The following CILP variants were observed in gnomAD, a reference collection of about 807,000 sequenced individuals.
The protein encoded by CILP is cartilage intermediate layer protein, also known as cartilage intermediate layer protein 1.
A neutral mutation model predicts 82.5 loss-of-function variants in CILP; 75 were observed. The observed-to-expected ratio is 0.91, with a 90% CI of 0.75 to 1.10. The LOEUF (loss-of-function observed/expected upper bound fraction) is 1.10. CILP is among the 50% of genes least tolerant of loss of function. CILP has a pLI of 0.00. For synonymous variants in CILP, 530 were observed against 580.3 expected, an observed-to-expected ratio of 0.91 and a Z score of 1.25; for missense variants, 1,479 against 1,530.8, an observed-to-expected ratio of 0.97 and a Z score of 0.56.
At chr15:65,201,728 C>CAAAAAAAAAAAAAAAAAAAAGAA (rs2088455524) in intron 8 of CILP, 144 bp downstream of exon 8, 1 of 245,602 alleles carries the variant, frequency 4.1e-6, no homozygotes. Flanking sequence ...GACTCCATCT[C>CAAAAAAAAAAAAAAAAAAAAGAA]AAAAAAAAAA....
At chr15:65,205,174 GGTGA>G (rs2088503818) in intron 5 of CILP, 109 bp downstream of exon 5, 3 of 988,212 alleles carry the variant, frequency 3.0e-6, no homozygotes, top group South Asian at 1.6e-5. Flanking sequence ...GTTAATACGT[GGTGA>G]GTAAGTAAAT....
At chr15:65,209,012 C>CTTTTTT (rs556369891) in intron 2 of CILP, among the ~76,000 whole-genome samples, 59 of 69,980 alleles carry the variant, frequency 8.4e-4, no homozygotes, top group African/African-American at 2.5e-3. Flanking sequence ...GGGTTTTGAG[C>CTTTTTT]TTTTTTTTTT....
Position 65,203,221 on chromosome 15 carries a change from C to G in CILP, c.1028+141G>C, listed in dbSNP as rs2088479741. 3 of 579,754 alleles carry G rather than the reference C, an allele frequency of 5.2e-6. No individual in the cohort carries two copies. In the Admixed American group the frequency reaches 9.3e-5, roughly 18 times the overall value. The allele number at this position is 579,754 out of a possible 1,614,324, so 35.9% of individuals were successfully genotyped here. On this transcript the variant is annotated intron_variant, in intron 7 of 8. Coordinates refer to ENST00000261883, the MANE Select transcript of CILP (RefSeq NM_003613.4). ...ACCCCATGGCTCCCATTTGTAAGTC[C>G]CAACATCCGGGCTCTGTACCACTGT...
chr15:65,194,878 T>A lies in CILP; in HGVS notation c.*1853A>T, dbSNP rs1022575107. On this transcript the variant is annotated 3_prime_UTR_variant, in exon 9 of 9. Coordinates refer to ENST00000261883, the MANE Select transcript of CILP (RefSeq NM_003613.4). ...ACCCACCCCCCCCCGACCCTCCCCC[T>A]CCCCCCGTGAGTTTGAAGTGAACTG... 3.4e-5 allele frequency: 1 copy of A among 29,688 alleles called. No individual in the cohort carries two copies. The highest frequency in any genetic ancestry group is 7.8e-5 in the Non-Finnish European group (1 of 12,878). 1.8% of individuals were successfully genotyped at this position (29,688 alleles called of 1,614,324 possible).
At chr15:65,209,517 A>C (rs1484687922) in intron 2 of CILP, among the ~76,000 whole-genome samples, 178 bp downstream of exon 2, 1 of 152,170 alleles carries the variant, frequency 6.6e-6, no homozygotes, top group Admixed American at 6.5e-5. Context: ...TAATGGGAAC[A>C]ATCTCAAGTT....
Position 65,198,318 on chromosome 15 carries a change from C to T in CILP, c.1968G>A (p.Thr656=), listed in dbSNP as rs115561127. Residue 656 remains threonine (T), a synonymous_variant, in exon 9 of 9, where the codon ACG becomes ACA. Coordinates refer to ENST00000261883, the MANE Select transcript of CILP (RefSeq NM_003613.4). ...NDEGDTFPLR[T]YGMFSVDFRD... is the part of the protein sequence containing the mutation. ...TGAAGTCCACAGAGAACATGCCATA[C>T]GTCCGAAGGGGGAAAGTGTCTCCTT... The T allele has an allele frequency of 1.5e-4, 249 of 1,614,234 alleles. 2 individuals carry two copies. The African/African-American group carries it at 2.8e-3, about 18-fold the overall frequency.
At chr15:65,210,283 G>A (rs1357047307) in intron 1 of CILP, among the ~76,000 whole-genome samples, 1 of 152,146 alleles carries the variant, frequency 6.6e-6, no homozygotes, top group Non-Finnish European at 1.5e-5. Context: ...GTGAAGACTT[G>A]GCTCCGACTC....
Position 65,207,058 on chromosome 15 carries a change from G to A in CILP, c.155-7C>T, listed in dbSNP as rs1464968816. ...GTTGTCCACTCACCAGGGCCTGAGA[G>A]ACATAGCCAAATTGCGGAGGAGCCG... On this transcript the variant is annotated splice_region_variant and splice_polypyrimidine_tract_variant and intron_variant, in intron 3 of 8. Transcript: ENST00000261883. The A allele has an allele frequency of 6.2e-7, 1 of 1,606,182 alleles. No homozygotes were observed. The highest frequency in any genetic ancestry group is 1.1e-5 in the South Asian group (1 of 90,970).
At chr15:65,204,149 C>T in intron 6 of CILP, 119 bp downstream of exon 6, 1 of 831,640 alleles carries the variant, frequency 1.2e-6, no homozygotes, top group Non-Finnish European at 1.9e-6. Flanking sequence ...CCATGTGGGC[C>T]ATGGTAAGGA....
intron 7 of CILP, among the ~76,000 whole-genome samples, chr15:65,202,674 C>A (rs2088472517): frequency 6.6e-6 from 1 of 151,932 alleles, no homozygotes; most frequent in Admixed American, 6.6e-5. Context: ...GTGACCCACC[C>A]TCCTCGGCCT....
In CILP at chr15:65,206,882, C is replaced by G. The variant is rs780627820; in HGVS notation, c.324G>C (p.Val108=). ...AACCCTCACGGGGACTACCATGGAC[C>G]ACCTGGCCAGTGCTGCCCGCAGGTG... ...DWTPAGSTGQ[V]VHGSPREGFW... Residue 108 remains valine (V), a synonymous_variant, in exon 4 of 9, where the codon GTG becomes GTC. Coordinates refer to ENST00000261883, the MANE Select transcript of CILP (RefSeq NM_003613.4). 1.2e-6 allele frequency: 2 copies of G among 1,613,894 alleles called. No homozygotes were observed. Among genetic ancestry groups the G allele is most frequent in the Non-Finnish European group, 1.7e-6 (2 of 1,180,030 alleles).
chr15:65,211,062 C>A (rs1488303593), intron 1 of CILP, among the ~76,000 whole-genome samples: 1 of 152,246 alleles, frequency 6.6e-6, no homozygotes, highest in Non-Finnish European at 1.5e-5. Context: ...CTCAGCATCT[C>A]CGCCGTTTCC....
At position 65,206,901 on chromosome 15, in the gene CILP, G is replaced by A. The variant is rs567307208; in HGVS notation, c.305C>T (p.Ala102Val). Residue 102 changes from alanine (A) to valine (V), a missense_variant, in exon 4 of 9, where the codon GCG becomes GTG. Ala to Val is a moderately conservative substitution (Grantham distance 64, BLOSUM62 0). Coordinates refer to ENST00000261883, the MANE Select transcript of CILP (RefSeq NM_003613.4). ...ATGGACCACCTGGCCAGTGCTGCCC[G>A]CAGGTGTCCAGTCAGTGGTCCGAGC... ...LEARTTDWTP[A>V]GSTGQVVHGS... The A allele has an allele frequency of 2.6e-5, 42 of 1,613,906 alleles. No individual in the cohort carries two copies. The highest frequency in any genetic ancestry group is 6.7e-5 in the African/African-American group (5 of 75,034).
intron 8 of CILP, 66 bp downstream of exon 8, chr15:65,201,806 G>T: frequency 8.9e-7 from 1 of 1,122,252 alleles, no homozygotes; most frequent in Non-Finnish European, 1.2e-6. Flanking sequence ...GCATAGTTAT[G>T]CCCACCTGGG....
chr15:65,209,775 GAAC>G lies in CILP; in HGVS notation c.-23_-21del. ...CACCATCTTTCCCCCAAGCCCGTGGGAACGTGGCAAGAGGTAGATGTGGGTGCT... is the reference window on the plus strand; with the variant it reads ...CACCATCTTTCCCCCAAGCCCGTGGGGTGGCAAGAGGTAGATGTGGGTGCT... On this transcript the variant is annotated 5_prime_UTR_variant, in exon 2 of 9. Transcript: ENST00000261883. 6.2e-7 allele frequency: 1 copy of G among 1,613,734 alleles called. No homozygotes were observed. Among genetic ancestry groups the G allele is most frequent in the Non-Finnish European group, 8.5e-7 (1 of 1,179,698 alleles).
Position 65,206,993 on chromosome 15 carries a change from A to T in CILP, c.213T>A (p.Tyr71Ter). ...NIDYPGGKGD[Y>*]ERLDAIRFYY... ...AGAAGCGAATGGCGTCCAGCCGCTC[A>T]TAGTCGCCCTTCCCGCCTGGGTAGT... is the stretch of plus-strand genomic sequence containing the variant. Residue 71 changes from tyrosine (Y) to a stop codon, truncating the protein, a stop_gained, in exon 4 of 9, where the codon TAT (tyrosine) becomes TAA (stop). Transcript: ENST00000261883. LOFTEE classifies it high-confidence loss of function. 1 of 1,614,058 alleles carries T rather than the reference A, an allele frequency of 6.2e-7. No homozygotes were observed. The highest frequency in any genetic ancestry group is 8.5e-7 in the Non-Finnish European group (1 of 1,180,020).
At chr15:65,206,660 A>G (rs1415416673) in intron 4 of CILP, 122 bp downstream of exon 4, 2 of 1,077,912 alleles carry the variant, frequency 1.9e-6, no homozygotes, top group African/African-American at 1.6e-5. Context: ...TTATTATTAC[A>G]GAGTCCAAGC....
intron 2 of CILP, among the ~76,000 whole-genome samples, chr15:65,209,366 C>A (rs905959235): frequency 6.6e-6 from 1 of 152,124 alleles, no homozygotes; most frequent in South Asian, 2.1e-4. Context: ...CCCTGTGATT[C>A]CCTATTACTT....
Position 65,197,270 on chromosome 15 carries a change from G to T in CILP, c.3016C>A (p.Leu1006Met). The change falls in exon 9 of 9, where the codon CTG (leucine) becomes ATG (methionine). Residue 1006 changes from leucine (L) to methionine (M), a missense_variant. By Grantham distance (15) the Leu-to-Met change is conservative. Coordinates refer to ENST00000261883, the MANE Select transcript of CILP (RefSeq NM_003613.4). ...RDQPNVSAAC[L>M]EFKCSGMLYD... ...AGCATCCCACTGCACTTGAACTCCA[G>T]ACAGGCAGCTGAGACATTGGGCTGG... The T allele has an allele frequency of 6.2e-7, 1 of 1,614,072 alleles. No individual in the cohort carries two copies. The highest frequency in any genetic ancestry group is 8.5e-7 in the Non-Finnish European group (1 of 1,179,980).
Sources: gnomAD v4.1 joint callset for allele counts (sites outside exome capture counted in the v4.1 genomes callset) on GRCh38, gnomAD v4.1.1 for gene constraint, MANE v1.5 for transcripts, NCBI Gene and HGNC (gene_info 2026-07-23, HGNC 2026-07-21) for gene names.